Variants in CHCHD6 observed in about 807,000 individuals in gnomAD.
CHCHD6 encodes MICOS complex subunit MIC25.
A neutral mutation model predicts 32.3 loss-of-function variants in CHCHD6; 28 were observed. The ratio of observed to expected loss-of-function variants is 0.87; its 90% CI spans 0.64 to 1.19. The LOEUF (loss-of-function observed/expected upper bound fraction) is 1.19, where lower values mean the gene tolerates loss of function less well. Among genes scored for constraint, CHCHD6 ranks in the 50% most tolerant of loss-of-function variants. The pLI is 0.00. For synonymous variants in CHCHD6, 122 were observed against 117.5 expected (o/e 1.04, Z -0.25); for missense variants, 333 against 307.0 (o/e 1.08, Z -0.63).
chr3:126,767,246 C>T lies in CHCHD6; in HGVS notation c.411+34024C>T, dbSNP rs188355162. 6,190 of 1,444,364 alleles carry T rather than the reference C, an allele frequency of 4.3e-3. 21 individuals carry two copies. Among genetic ancestry groups the T allele is most frequent in the Non-Finnish European group, 5.5e-3 (5,610 of 1,027,138 alleles). The allele number at this position is 1,444,364 out of a possible 1,614,324, so 89.5% of individuals were successfully genotyped here. A position where few individuals can be genotyped will look rare whatever the true frequency, so the allele number is the denominator to read the frequency against. Reference sequence around the variant, plus strand: ...GCCATTGTATATTATCTGTGCGGGGCTGGGGATAGTGTCTGTCAGGTTGCC... The same window carrying T: ...GCCATTGTATATTATCTGTGCGGGGTTGGGGATAGTGTCTGTCAGGTTGCC... On this transcript the variant is annotated intron_variant, in intron 4 of 7. Transcript: ENST00000290913.
At position 126,852,661 on chromosome 3, in the gene CHCHD6, G is replaced by A. The variant is rs767071224; in HGVS notation, c.426G>A (p.Glu142=). ...CTTCCAAGCAGGCCAGGGAGCTGGA[G>A]AGCAGAGAGGCAGAGCTAAGACGCC... The part of the protein sequence containing the change: ...QKSVRLAREL[E]SREAELRRRD... The change falls in exon 5 of 8, where the codon GAG becomes GAA. Residue 142 remains glutamate (E), a synonymous_variant. Transcript: ENST00000290913. The A allele has an allele frequency of 1.9e-6, 3 of 1,613,764 alleles. No individual in the cohort carries two copies. The highest frequency in any genetic ancestry group is 2.5e-6 in the Non-Finnish European group (3 of 1,179,740).
At chr3:126,864,046 T>G (rs539333546) in intron 5 of CHCHD6, among the ~76,000 whole-genome samples, 3 of 140,356 alleles carry the variant, frequency 2.1e-5, no homozygotes, top group Admixed American at 2.1e-4. Context: ...CACCTCCTCC[T>G]CCTCTACCAT....
At chr3:126,918,466 T>C (rs2078201110) in intron 6 of CHCHD6, among the ~76,000 whole-genome samples, 1 of 152,228 alleles carries the variant, frequency 6.6e-6, no homozygotes, top group Non-Finnish European at 1.5e-5. Flanking sequence ...GCTTATAACA[T>C]TTGGGGAATG....
intron 4 of CHCHD6, among the ~76,000 whole-genome samples, chr3:126,752,599 C>T (rs1370776762): frequency 6.6e-6 from 1 of 152,224 alleles, no homozygotes; most frequent in African/African-American, 2.4e-5. Context: ...TCATCTCCTG[C>T]CCTCTTTTTG....
chr3:126,764,525 C>T (rs1467008049), intron 4 of CHCHD6, among the ~76,000 whole-genome samples: 14 of 152,250 alleles, frequency 9.2e-5, no homozygotes, highest in African/African-American at 2.9e-4. Context: ...GTCTTCACTT[C>T]GAAGGTCCCT....
At chr3:126,957,183 G>A (rs1473418564) in intron 6 of CHCHD6, 1 of 585,310 alleles carries the variant, frequency 1.7e-6, no homozygotes, top group Admixed American at 3.0e-5. Context: ...GCATGTTTCA[G>A]TGTCTGCTAT....
intron 6 of CHCHD6, among the ~76,000 whole-genome samples, chr3:126,941,550 A>G (rs2107603325): frequency 6.6e-6 from 1 of 152,344 alleles, no homozygotes; most frequent in African/African-American, 2.4e-5. Flanking sequence ...AAATCTAGAT[A>G]GACTCTTTTT....
At chr3:126,765,290 C>T (rs577040317) in intron 4 of CHCHD6, among the ~76,000 whole-genome samples, 1 of 152,276 alleles carries the variant, frequency 6.6e-6, no homozygotes, top group African/African-American at 2.4e-5. Context: ...AACCAAGAGC[C>T]CTAGCCAGAG....
intron 4 of CHCHD6, among the ~76,000 whole-genome samples, chr3:126,818,722 G>C (rs1940021422): frequency 6.6e-6 from 1 of 152,192 alleles, no homozygotes; most frequent in Non-Finnish European, 1.5e-5. Flanking sequence ...CCGTTTCTCA[G>C]CAGGGGATCA....
At chr3:126,882,499 C>T (rs973917539) in intron 5 of CHCHD6, among the ~76,000 whole-genome samples, 3 of 152,226 alleles carry the variant, frequency 2.0e-5, no homozygotes, top group African/African-American at 7.2e-5. Context: ...TTCATTTTCT[C>T]AGATATTTAT....
chr3:126,869,988 C>T (rs2077443536), intron 5 of CHCHD6, among the ~76,000 whole-genome samples: 1 of 152,170 alleles, frequency 6.6e-6, no homozygotes, highest in Non-Finnish European at 1.5e-5. Flanking sequence ...GTTGTCTCCC[C>T]AGCTGGCGAT....
At chr3:126,858,858 A>G (rs1941755883) in intron 5 of CHCHD6, among the ~76,000 whole-genome samples, 1 of 152,204 alleles carries the variant, frequency 6.6e-6, no homozygotes, top group South Asian at 2.1e-4. Context: ...GACAAGGGTC[A>G]TGGGCACAGA....
chr3:126,873,453 C>T (rs1242652171), intron 5 of CHCHD6, among the ~76,000 whole-genome samples: 1 of 152,214 alleles, frequency 6.6e-6, no homozygotes, highest in Non-Finnish European at 1.5e-5. Context: ...ACTTCATTGT[C>T]TGAGGTCAGA....
chr3:126,872,524 T>C (rs1173069677), intron 5 of CHCHD6, among the ~76,000 whole-genome samples: 1 of 152,180 alleles, frequency 6.6e-6, no homozygotes, highest in Non-Finnish European at 1.5e-5. Flanking sequence ...CACCTATGCC[T>C]ACATGGATGG....
In CHCHD6 at chr3:126,817,586, G is replaced by A. The variant is rs1264303611; in HGVS notation, c.412-35061G>A. Among the ~76,000 whole-genome samples the A allele has an allele frequency of 2.0e-5, 3 of 152,186 alleles. 1 individual carries two copies. The highest frequency in any genetic ancestry group is 4.4e-5 in the Non-Finnish European group (3 of 68,038). On this transcript the variant is annotated intron_variant, in intron 4 of 7. Transcript: ENST00000290913. ...CCCCAGCACAAGTCTGTCCAGCAGG[G>A]CACAGTCCATGAGGGGCTATCAGCT...
chr3:126,825,609 T>TATA (rs1940355524), intron 4 of CHCHD6, among the ~76,000 whole-genome samples: 1 of 152,254 alleles, frequency 6.6e-6, no homozygotes, highest in East Asian at 1.9e-4. Context: ...GGACTCTATA[T>TATA]ATTTGTGCCA....
At chr3:126,792,531 A>G (rs1938604508) in intron 4 of CHCHD6, among the ~76,000 whole-genome samples, 1 of 151,924 alleles carries the variant, frequency 6.6e-6, no homozygotes, top group African/African-American at 2.4e-5. Flanking sequence ...GTTTGTTTAG[A>G]ACTGTACTGT....
intron 6 of CHCHD6, among the ~76,000 whole-genome samples, chr3:126,945,238 G>A (rs942031673): frequency 3.3e-5 from 5 of 151,984 alleles, no homozygotes; most frequent in Non-Finnish European, 5.9e-5. Flanking sequence ...GCCAGCCCTC[G>A]GGTTCTGGGA....
At chr3:126,879,922 T>C (rs2077586913) in intron 5 of CHCHD6, among the ~76,000 whole-genome samples, 1 of 152,206 alleles carries the variant, frequency 6.6e-6, no homozygotes, top group Admixed American at 6.5e-5. Context: ...TGGGCACTTA[T>C]CATATTATTC....
Sources: gnomAD v4.1 joint callset for allele counts (sites outside exome capture counted in the v4.1 genomes callset) on GRCh38, gnomAD v4.1.1 for gene constraint, MANE v1.5 for transcripts, NCBI Gene and HGNC (gene_info 2026-07-23, HGNC 2026-07-21) for gene names.